SARS2: variants seen among roughly 807,000 people sequenced by gnomAD.
SARS2 encodes serine--tRNA ligase, mitochondrial.
Under a neutral mutation model 66.8 loss-of-function variants are expected in SARS2, and 52 were observed. That is an observed-to-expected ratio of 0.78 (90% confidence interval 0.62 to 0.98). The LOEUF (loss-of-function observed/expected upper bound fraction) is 0.98. Among genes scored for constraint, SARS2 ranks in the 50% least tolerant of loss-of-function variants. The pLI, the probability that SARS2 is intolerant of heterozygous loss-of-function variation, is 0.00. For synonymous variants in SARS2, 306 were observed against 281.4 expected, an observed-to-expected ratio of 1.09 and a Z score of -0.87; for missense variants, 673 against 706.3, an observed-to-expected ratio of 0.95 and a Z score of 0.53.
Position 38,919,788 on chromosome 19 carries a change from A to C in SARS2, c.733T>G (p.Phe245Val). Residue 245 changes from phenylalanine to valine, a missense_variant, in exon 7 of 16, where the codon TTC (phenylalanine) becomes GTC (valine). Phe to Val is a conservative substitution (Grantham distance 50, BLOSUM62 -1). Transcript: ENST00000221431. ...GALLQHGLVN[F>V]TFNKLLRRGF... is the part of the protein sequence containing the mutation. ...CGGCGGAGAAGCTTGTTGAATGTGA[A>C]GTTGACCAGGCCGTGCTGCAGGAGG... is the stretch of plus-strand genomic sequence containing the variant. 1.2e-6 allele frequency: 2 copies of C among 1,614,166 alleles called. No individual in the cohort carries two copies. Among genetic ancestry groups the C allele is most frequent in the Non-Finnish European group, 1.7e-6 (2 of 1,180,020 alleles).
At chr19:38,919,992 T>TC (rs1283301399) in intron 6 of SARS2, 94 bp downstream of exon 6, 1 of 1,386,806 alleles carries the variant, frequency 7.2e-7, no homozygotes, top group Non-Finnish European at 1.0e-6. Context: ...TCATGGCATT[T>TC]CCACATCTCA....
intron 1 of SARS2, among the ~76,000 whole-genome samples, chr19:38,927,487 G>C (rs942049194): frequency 2.6e-5 from 4 of 151,544 alleles, no homozygotes; most frequent in African/African-American, 4.9e-5. Context: ...TTGTGCTTGA[G>C]CCTGGAAGTC....
Position 38,926,247 on chromosome 19 carries a change from C to T in SARS2, c.321G>A (p.Glu107=), listed in dbSNP as rs11544093. 275,142 of 1,606,272 alleles carry T rather than the reference C, an allele frequency of 0.17. 24,814 individuals carry two copies. The highest frequency in any genetic ancestry group is 0.31 in the East Asian group (13,882 of 44,868). The change falls in exon 2 of 16, where the codon GAG becomes GAA. Residue 107 remains glutamate (E), a synonymous_variant. Transcript: ENST00000221431. Reference sequence around the variant, plus strand: ...CCTCAGTCACAGCTGCCTTCTCTTCCTCCAGGCTCCGGATCTGCTCCTGCA... The same window carrying T: ...CCTCAGTCACAGCTGCCTTCTCTTCTTCCAGGCTCCGGATCTGCTCCTGCA... ...RQLQEQIRSL[E]EEKAAVTEAV... is the part of the protein sequence containing the mutation.
In SARS2 at chr19:38,916,140, G is replaced by C. The variant is rs779662720; in HGVS notation, c.1255-11C>G. On this transcript the variant is annotated splice_polypyrimidine_tract_variant and intron_variant, in intron 13 of 15. Coordinates refer to ENST00000221431, the MANE Select transcript of SARS2 (RefSeq NM_017827.4). ...GGAAGCACTGGTGACCTGGGGTGGA[G>C]GAGCGGCAGGCTGAGCGGATCAGGG... The C allele has an allele frequency of 6.2e-7, 1 of 1,613,908 alleles. No individual in the cohort carries two copies. Among genetic ancestry groups the C allele is most frequent in the African/African-American group, 1.3e-5 (1 of 75,054 alleles).
At chr19:38,924,391 T>C (rs1350737520) in intron 2 of SARS2, among the ~76,000 whole-genome samples, 1 of 152,194 alleles carries the variant, frequency 6.6e-6, no homozygotes, top group East Asian at 1.9e-4. Flanking sequence ...AGTGGGATGA[T>C]AACAGGACCT....
chr19:38,916,009 C>G lies in SARS2; in HGVS notation c.1347+28G>C, dbSNP rs571004967. Reference sequence around the variant, plus strand: ...GCGGCAGAGGCTGCGGGCGAGGGCACGCGGGCAGGAGGCTGTGCGGGCCTC... The same window carrying G: ...GCGGCAGAGGCTGCGGGCGAGGGCAGGCGGGCAGGAGGCTGTGCGGGCCTC... On this transcript the variant is annotated intron_variant, in intron 14 of 15. Transcript: ENST00000221431. The G allele has an allele frequency of 1.9e-5, 30 of 1,612,652 alleles. 1 individual carries two copies. In the East Asian group the frequency reaches 3.3e-4, roughly 18 times the overall value.
At position 38,918,127 on chromosome 19, in the gene SARS2, T is replaced by C. The variant is rs1359397162; in HGVS notation, c.929A>G (p.Asp310Gly). 6.3e-6 allele frequency: 10 copies of C among 1,598,660 alleles called. No individual in the cohort carries two copies. The highest frequency in any genetic ancestry group is 8.5e-6 in the Non-Finnish European group (10 of 1,173,182). The change falls in exon 10 of 16, where the codon GAC becomes GGC. Residue 310 changes from aspartate to glycine, a missense_variant. Transcript: ENST00000221431. ...CAGGTCCCTGAAGGCCACGGTGTGG[T>C]CCATGAAGTAGCCTGGGAGGAGAGA... ...AEVGLAGYFM[D>G]HTVAFRDLPV...
At chr19:38,916,484 A>G (rs1267985380) in intron 12 of SARS2, among the ~76,000 whole-genome samples, 170 bp from the exon 13 acceptor site, 1 of 151,742 alleles carries the variant, frequency 6.6e-6, no homozygotes, top group Non-Finnish European at 1.5e-5. Flanking sequence ...AAAACAAACA[A>G]AAAAAAGGAG....
At chr19:38,922,037 C>G (rs565848512) in intron 3 of SARS2, 3 of 1,554,798 alleles carry the variant, frequency 1.9e-6, no homozygotes, top group Non-Finnish European at 2.6e-6. Flanking sequence ...ATGGGAGGAA[C>G]GTAGGACCAA....
rs765152198 is a variant in SARS2 at position 38,915,665 on chromosome 19, A to C, written c.1498T>G (p.Tyr500Asp). Residue 500 changes from tyrosine to aspartate, a missense_variant, in exon 16 of 16, where the codon TAC becomes GAC. Coordinates refer to ENST00000221431, the MANE Select transcript of SARS2 (RefSeq NM_017827.4). ...TTCCGGGGCTGGTTGGGGCCGATGT[A>C]CTGGAGAGGCACGTGGGTAGGGGCT... Reference protein sequence around the residue: ...ITAPTHVPLQYIGPNQPRKPG... With the variant: ...ITAPTHVPLQDIGPNQPRKPG... 3 of 1,613,340 alleles carry C rather than the reference A, an allele frequency of 1.9e-6. No homozygotes were observed. Among genetic ancestry groups the C allele is most frequent in the South Asian group, 2.2e-5 (2 of 91,024 alleles).
At chr19:38,928,177 G>C (rs957581327) in intron 1 of SARS2, 3 of 152,296 alleles carry the variant, frequency 2.0e-5, no homozygotes, top group African/African-American at 7.2e-5. Context: ...TTAGGAGTTC[G>C]AGACCAGCCT....
intron 8 of SARS2, 100 bp from the exon 9 acceptor site, chr19:38,918,630 C>G: frequency 7.3e-7 from 1 of 1,373,824 alleles, no homozygotes; most frequent in Admixed American, 1.9e-5. Flanking sequence ...ACATCTGGAG[C>G]TGCCCTGGCC....
rs758449668 is a variant in SARS2, at chr19:38,916,024, G to T, written c.1347+13C>A. ...GGCGAGGGCACGCGGGCAGGAGGCT[G>T]TGCGGGCCTCACCGTGTGGGCAAAC... On this transcript the variant is annotated intron_variant, in intron 14 of 15. Transcript: ENST00000221431. 1 of 1,613,086 alleles carries T rather than the reference G, an allele frequency of 6.2e-7. No individual in the cohort carries two copies. The highest frequency in any genetic ancestry group is 2.2e-5 in the East Asian group (1 of 44,874).
intron 5 of SARS2, among the ~76,000 whole-genome samples, chr19:38,920,830 C>T (rs766629503): frequency 1.3e-5 from 2 of 151,644 alleles, no homozygotes; most frequent in Non-Finnish European, 2.9e-5. Flanking sequence ...CACATACACA[C>T]AGACACAGAG....
intron 6 of SARS2, 26 bp downstream of exon 6, chr19:38,920,060 C>A (rs1485953678): frequency 6.5e-7 from 1 of 1,549,700 alleles, no homozygotes; most frequent in Non-Finnish European, 8.7e-7. Flanking sequence ...GGGAGAGGGG[C>A]GTGGGGAGCC....
At chr19:38,930,164 A>G in intron 1 of SARS2, 1 of 364,136 alleles carries the variant, frequency 2.7e-6, no homozygotes, top group Non-Finnish European at 5.1e-6. Context: ...GGCTGGCATG[A>G]GGTTGCAGCA....
In SARS2 at chr19:38,915,507, A is replaced by G; in HGVS notation, c.*99T>C. 6.9e-7 allele frequency: 1 copy of G among 1,438,878 alleles called. No individual in the cohort carries two copies. Among genetic ancestry groups the G allele is most frequent in the Admixed American group, 1.8e-5 (1 of 55,290 alleles). The allele number at this position is 1,438,878 out of a possible 1,614,324, so 89.1% of individuals were successfully genotyped here. A position where few individuals can be genotyped will look rare whatever the true frequency, so the allele number is the denominator to read the frequency against. Reference sequence around the variant, plus strand: ...GGCGTGGAGCTGACAGGAAGAACACAGATGTCAGGACGGGCTCAGCAACAC... The same window carrying G: ...GGCGTGGAGCTGACAGGAAGAACACGGATGTCAGGACGGGCTCAGCAACAC... On this transcript the variant is annotated 3_prime_UTR_variant, in exon 16 of 16. Transcript: ENST00000221431.
rs17854237 is a variant in SARS2 at position 38,916,040 on chromosome 19, G to A, written c.1344C>T (p.His448=). Residue 448 remains histidine (H), a synonymous_variant, in exon 14 of 16, where the codon CAC becomes CAT. Transcript: ENST00000221431. ...QTEAGELQFA[H]TVNATACAVP... is the part of the protein sequence containing the mutation. ...CAGGAGGCTGTGCGGGCCTCACCGT[G>A]TGGGCAAACTGCAGCTCCCCAGCCT... 1.9e-6 allele frequency: 3 copies of A among 1,613,564 alleles called. No homozygotes were observed. The highest frequency in any genetic ancestry group is 1.7e-6 in the Non-Finnish European group (2 of 1,179,914).
intron 2 of SARS2, among the ~76,000 whole-genome samples, chr19:38,924,508 C>T (rs949971906): frequency 2.6e-5 from 4 of 152,084 alleles, no homozygotes; most frequent in South Asian, 2.1e-4. Flanking sequence ...GTAGACAGCC[C>T]GAGGCTGGCC....
Sources: gnomAD v4.1 joint callset for allele counts (sites outside exome capture counted in the v4.1 genomes callset) on GRCh38, gnomAD v4.1.1 for gene constraint, MANE v1.5 for transcripts, NCBI Gene and HGNC (gene_info 2026-07-23, HGNC 2026-07-21) for gene names.